Variants in COL5A3 observed in about 807,000 individuals in gnomAD.
COL5A3 encodes collagen alpha-3(V) chain.
In COL5A3, 172 loss-of-function variants were observed where a neutral mutation model predicts 250.0. That is an observed-to-expected ratio of 0.69 (90% CI 0.61 to 0.78). The LOEUF is 0.78. Ranked by LOEUF, COL5A3 falls within the 30% of genes least tolerant of loss-of-function variation. The pLI, the probability that COL5A3 is intolerant of heterozygous loss-of-function variation, is 0.00. For synonymous variants in COL5A3, 937 were observed against 900.4 expected (o/e 1.04, Z -0.73); for missense variants, 2,340 against 2,334.4 (o/e 1.00, Z -0.05).
rs1469270008 is a variant in COL5A3 at position 9,960,883 on chromosome 19, T to C, written c.4859A>G (p.Tyr1620Cys). The change falls in exon 66 of 67, where the codon TAC becomes TGC. Residue 1620 changes from tyrosine (Y) to cysteine (C), a missense_variant. By Grantham distance (194) the Tyr-to-Cys change is radical (BLOSUM62 -2). Around this residue, in one of 3 missense-constraint regions of COL5A3, gnomAD observed 1,179 missense variants for 1,162.6 expected, o/e 1.01. Coordinates refer to ENST00000264828, the MANE Select transcript of COL5A3 (RefSeq NM_015719.4). ...CACTGGGGACCCGTCGGCGTCCACG[T>C]AGGAGAACTGGTGAGAGGAGGGCAA... ...STFRRGKKFS[Y>C]VDADGSPVNV... 3.7e-6 allele frequency: 6 copies of C among 1,604,616 alleles called. No individual in the cohort carries two copies. The highest frequency in any genetic ancestry group is 5.1e-6 in the Non-Finnish European group (6 of 1,179,952).
At chr19:9,965,156 C>CTT (rs771519552) in intron 64 of COL5A3, among the ~76,000 whole-genome samples, 19,528 of 100,040 alleles carry the variant, frequency 0.2, 1,874 homozygotes, top group East Asian at 0.27. Context: ...TTTTCTTTTT[C>CTT]TTTTTTTTTT....
intron 27 of COL5A3, 45 bp downstream of exon 27, chr19:9,989,079 A>G (rs753812700): frequency 6.2e-7 from 1 of 1,600,928 alleles, no homozygotes; most frequent in Admixed American, 1.7e-5. Flanking sequence ...GCATGCCTGA[A>G]CCCAAAGCTG....
In COL5A3 at chr19:9,960,197, T is replaced by C; in HGVS notation, c.*214A>G. 2 of 607,674 alleles carry C rather than the reference T, an allele frequency of 3.3e-6. No individual in the cohort carries two copies. Among genetic ancestry groups the C allele is most frequent in the East Asian group, 5.7e-5 (2 of 35,122 alleles). The allele number at this position is 607,674 out of a possible 1,614,324, so 37.6% of individuals were successfully genotyped here. ...AAGAGCCAGACTGCAGTATGCCACC[T>C]GGAATGGGGTGAGAGGAGGCTGGAC... On this transcript the variant is annotated 3_prime_UTR_variant, in exon 67 of 67. Coordinates refer to ENST00000264828, the MANE Select transcript of COL5A3 (RefSeq NM_015719.4).
chr19:10,006,744 T>C (rs34196120), intron 1 of COL5A3, among the ~76,000 whole-genome samples: 69,650 of 151,550 alleles, frequency 0.46, 16,765 homozygotes, highest in South Asian at 0.67. Context: ...CCATTTTGGA[T>C]CTCCTCCCTC....
At chr19:9,964,920 ATGCCTGTAAT>A (rs2086719500) in intron 64 of COL5A3, among the ~76,000 whole-genome samples, 1 of 138,902 alleles carries the variant, frequency 7.2e-6, no homozygotes, top group South Asian at 2.4e-4. Context: ...ATGGTGGCGC[ATGCCTGTAAT>A]TACAGCTCCT....
At chr19:9,989,222 A>G (rs375801148) in intron 26 of COL5A3, 45 bp from the exon 27 acceptor site, 1 of 1,612,854 alleles carries the variant, frequency 6.2e-7, no homozygotes, top group Non-Finnish European at 8.5e-7. Context: ...AGTCCCTTCC[A>G]CATTCTAAGA....
rs748762416 is a variant in COL5A3, at chr19:9,993,441, G to A, written c.1696-8C>T. ...CACATGGCCAAAGTCACCCTGGAGAGGGAACAGAGGGGAGTTCAGAGTGGA... is the reference window on the plus strand; with the variant it reads ...CACATGGCCAAAGTCACCCTGGAGAAGGAACAGAGGGGAGTTCAGAGTGGA... On this transcript the variant is annotated splice_region_variant and splice_polypyrimidine_tract_variant and intron_variant, in intron 18 of 66. Transcript: ENST00000264828. The A allele has an allele frequency of 1.2e-6, 2 of 1,613,940 alleles. No individual in the cohort carries two copies. The highest frequency in any genetic ancestry group is 8.5e-7 in the Non-Finnish European group (1 of 1,179,978).
At position 9,969,869 on chromosome 19, in the gene COL5A3, C is replaced by G; in HGVS notation, c.3990G>C (p.Lys1330Asn). 2 of 1,613,862 alleles carry G rather than the reference C, an allele frequency of 1.2e-6. No individual in the cohort carries two copies. Among genetic ancestry groups the G allele is most frequent in the Non-Finnish European group, 8.5e-7 (1 of 1,179,934 alleles). Residue 1330 changes from lysine (K) to asparagine (N), a missense_variant and splice_region_variant, in exon 55 of 67, where the codon AAG becomes AAC. Lys to Asn is a moderately conservative substitution (Grantham distance 94). Coordinates refer to ENST00000264828, the MANE Select transcript of COL5A3 (RefSeq NM_015719.4). ...REGREGEKGA[K>N]GEPGPDGPPG... Reference sequence around the variant, plus strand: ...CCTTCCCCTTGCCAGGGGGACTCACCTTGGCACCTTTCTCCCCTTCTCTGC... The same window carrying G: ...CCTTCCCCTTGCCAGGGGGACTCACGTTGGCACCTTTCTCCCCTTCTCTGC...
chr19:9,998,210 A>C, intron 8 of COL5A3, 61 bp from the exon 9 acceptor site: 1 of 1,497,456 alleles, frequency 6.7e-7, no homozygotes. Flanking sequence ...TAAGCCCTTC[A>C]GTTATCTGAT....
At chr19:9,969,762 CGGGA>C in intron 55 of COL5A3, 80 bp from the exon 56 acceptor site, 1 of 1,570,338 alleles carries the variant, frequency 6.4e-7, no homozygotes, top group African/African-American at 1.4e-5. Flanking sequence ...CATCTGGGAT[CGGGA>C]GGGAGTAGGT....
chr19:10,006,279 T>C, intron 1 of COL5A3, 48 bp from the exon 2 acceptor site: 1 of 1,532,294 alleles, frequency 6.5e-7, no homozygotes, highest in Non-Finnish European at 8.8e-7. Context: ...GGGGAACAGC[T>C]AGAATAAGCC....
chr19:9,986,633 G>T (rs780723957), intron 28 of COL5A3, 27 bp from the exon 29 acceptor site: 2 of 1,613,890 alleles, frequency 1.2e-6, no homozygotes, highest in Non-Finnish European at 1.7e-6. Context: ...GAGGCCAGAA[G>T]TGAGGGCCTC....
chr19:9,974,390 C>T lies in COL5A3; in HGVS notation c.3361G>A (p.Gly1121Arg). The stretch of plus-strand genomic sequence containing the variant: ...AAGAGGCCTGGGGGTCCCCGGCGCC[C>T]CTGAGCCCCGTCTGCTCCCTGGAAG... The part of the protein sequence containing the change: ...PGPPGADGAQ[G>R]RRGPPGLFGQ... Residue 1121 changes from glycine (G) to arginine (R), a missense_variant, in exon 46 of 67, where the codon GGG becomes AGG. Around this residue, in one of 3 missense-constraint regions of COL5A3, gnomAD observed 1,179 missense variants for 1,162.6 expected, o/e 1.01. Transcript: ENST00000264828. The T allele has an allele frequency of 6.2e-7, 1 of 1,605,506 alleles. No individual in the cohort carries two copies. Among genetic ancestry groups the T allele is most frequent in the Non-Finnish European group, 8.5e-7 (1 of 1,176,494 alleles).
At position 9,991,609 on chromosome 19, in the gene COL5A3, CCTT is replaced by C; in HGVS notation, c.1990_1992del (p.Lys664del). ...TCGCGGTAGGTGGAGCTGTCACTCA[CCTT>C]CTCCCCAGGAGTGCCAATGAGTCCC... On this transcript the variant is annotated inframe_deletion and splice_region_variant, in exon 24 of 67. Transcript: ENST00000264828. The C allele has an allele frequency of 6.3e-7, 1 of 1,593,464 alleles. No individual in the cohort carries two copies. The highest frequency in any genetic ancestry group is 2.3e-5 in the East Asian group (1 of 43,660).
Position 9,982,134 on chromosome 19 carries a change from T to C in COL5A3, c.2407-16A>G. On this transcript the variant is annotated splice_polypyrimidine_tract_variant and intron_variant, in intron 31 of 66. Coordinates refer to ENST00000264828, the MANE Select transcript of COL5A3 (RefSeq NM_015719.4). ...CAATAGATCCCTGAGTGGAGAGAAT[T>C]AGAAAGAAGACATGAGGGTGAGGAG... The C allele has an allele frequency of 1.9e-6, 3 of 1,578,860 alleles. No individual in the cohort carries two copies. The highest frequency in any genetic ancestry group is 4.6e-5 in the East Asian group (2 of 43,834).
rs775935215 is a variant in COL5A3 at position 9,967,385 on chromosome 19, G to A, written c.4420C>T (p.Arg1474Cys). ...SKGSPGSMGP[R>C]GDTGPAGPPG... ...GGGCCTGCAGGTCCAGTGTCTCCACGGGGGCCCATGGACCCCTGTAGGGAG... is the reference window on the plus strand; with the variant it reads ...GGGCCTGCAGGTCCAGTGTCTCCACAGGGGCCCATGGACCCCTGTAGGGAG... Residue 1474 changes from arginine (R) to cysteine (C), a missense_variant, in exon 62 of 67, where the codon CGT becomes TGT. This residue lies in a region of COL5A3 where 1,179 missense variants were observed against 1,162.6 expected (regional missense o/e 1.01). Coordinates refer to ENST00000264828, the MANE Select transcript of COL5A3 (RefSeq NM_015719.4). The A allele has an allele frequency of 2.4e-5, 35 of 1,478,548 alleles. No homozygotes were observed. Among genetic ancestry groups the A allele is most frequent in the African/African-American group, 7.4e-5 (5 of 67,782 alleles). The allele number at this position is 1,478,548 out of a possible 1,614,324, so 91.6% of individuals were successfully genotyped here.
intron 31 of COL5A3, among the ~76,000 whole-genome samples, chr19:9,984,942 A>ATTTTTTTTTTTTTTTTTTTTTTTT (rs71188874): frequency 2.4e-5 from 2 of 83,006 alleles, no homozygotes; most frequent in African/African-American, 9.9e-5. Flanking sequence ...CATCTGGCTA[A>ATTTTTTTTTTTTTTTTTTTTTTTT]TTTTTTTTTT....
At position 9,978,580 on chromosome 19, in the gene COL5A3, C is replaced by T. The variant is rs1382226529; in HGVS notation, c.3012G>A (p.Gly1004=). The T allele has an allele frequency of 1.9e-6, 3 of 1,581,128 alleles. No homozygotes were observed. Among genetic ancestry groups the T allele is most frequent in the African/African-American group, 2.7e-5 (2 of 72,866 alleles). ...KGDKGPPGPV[G]ANGSPGERGP... ...CACATGGGGTTATACTTACATTGGC[C>T]CCCACGGGCCCTGGGGGGCCCTTAT... The change falls in exon 41 of 67, where the codon GGG becomes GGA. Residue 1004 remains glycine (G), a synonymous_variant. Coordinates refer to ENST00000264828, the MANE Select transcript of COL5A3 (RefSeq NM_015719.4).
At chr19:9,995,083 T>C (rs1403867863) in intron 16 of COL5A3, among the ~76,000 whole-genome samples, 3 of 152,122 alleles carry the variant, frequency 2.0e-5, no homozygotes, top group Non-Finnish European at 4.4e-5. Context: ...AATTTTTGTA[T>C]TTTTAGTAGA....
Sources: gnomAD v4.1 joint callset for allele counts (sites outside exome capture counted in the v4.1 genomes callset) on GRCh38, gnomAD v4.1.1 for gene constraint, gnomAD v4.1.1 regional missense constraint, MANE v1.5 for transcripts, NCBI Gene and HGNC (gene_info 2026-07-23, HGNC 2026-07-21) for gene names.